Variants in RBFOX1 observed in about 807,000 individuals in gnomAD.
RBFOX1 encodes RNA binding protein fox-1 homolog 1.
In RBFOX1, 8 loss-of-function variants were observed where a neutral mutation model predicts 57.7. The observed-to-expected ratio is 0.14, with a 90% CI of 0.08 to 0.25. RBFOX1 has a LOEUF of 0.25. Ranked by LOEUF, RBFOX1 falls within the 10% of genes least tolerant of loss-of-function variation. RBFOX1 has a pLI of 1.00. For missense variants in RBFOX1, 611 were observed against 548.5 expected, an observed-to-expected ratio of 1.11 and a Z score of -1.14; for synonymous variants, 326 against 222.4, an observed-to-expected ratio of 1.47 and a Z score of -4.15.
At chr16:6,818,990 C>G (rs530139220) in intron 3 of RBFOX1, among the ~76,000 whole-genome samples, 5 of 84,474 alleles carry the variant, frequency 5.9e-5, no homozygotes, top group African/African-American at 1.3e-4. Context: ...GTCTGAGAAT[C>G]AAACTTGACA....
chr16:7,160,329 G>A (rs1323181957), intron 4 of RBFOX1, among the ~76,000 whole-genome samples: 1 of 152,028 alleles, frequency 6.6e-6, no homozygotes, highest in Non-Finnish European at 1.5e-5. Context: ...ACTGCCTAGT[G>A]TGTAAAATGG....
chr16:5,406,548 C>T (rs1267998912), intron 1 of RBFOX1, among the ~76,000 whole-genome samples: 2 of 151,992 alleles, frequency 1.3e-5, no homozygotes, highest in Non-Finnish European at 2.9e-5. Context: ...ATAAATCTCT[C>T]CCTCTCTCTG....
intron 3 of RBFOX1, among the ~76,000 whole-genome samples, chr16:7,000,121 A>G (rs2092655212): frequency 6.6e-6 from 1 of 151,758 alleles, no homozygotes; most frequent in Non-Finnish European, 1.5e-5. Context: ...ACATCATATT[A>G]TTTTTAAAGT....
At chr16:5,347,115 C>G (rs1312864727) in intron 1 of RBFOX1, among the ~76,000 whole-genome samples, 4 of 152,152 alleles carry the variant, frequency 2.6e-5, no homozygotes, top group African/African-American at 9.7e-5. Context: ...CCCAATGTTG[C>G]TCATCCTCCT....
At chr16:6,903,426 A>T (rs1161413055) in intron 3 of RBFOX1, among the ~76,000 whole-genome samples, 2 of 152,154 alleles carry the variant, frequency 1.3e-5, no homozygotes, top group Admixed American at 1.3e-4. Context: ...TTGACGAAAG[A>T]TCCGTGAAGT....
At chr16:7,387,230 C>G (rs904689196) in intron 4 of RBFOX1, among the ~76,000 whole-genome samples, 1 of 152,082 alleles carries the variant, frequency 6.6e-6, no homozygotes, top group Admixed American at 6.5e-5. Flanking sequence ...GTGCAAAGTA[C>G]CTACCATGCA....
intron 2 of RBFOX1, among the ~76,000 whole-genome samples, chr16:6,545,892 C>G (rs182737797): frequency 1.3e-5 from 2 of 152,270 alleles, no homozygotes; most frequent in African/African-American, 4.8e-5. Flanking sequence ...GATGCCAGGC[C>G]TAAAGCTCTT....
chr16:6,747,044 C>G (rs79824491), intron 3 of RBFOX1, among the ~76,000 whole-genome samples: 2,438 of 152,262 alleles, frequency 0.016, 64 homozygotes, highest in African/African-American at 0.056. Context: ...GAAGTCCTAG[C>G]AGACCTCTGC....
At chr16:7,297,982 C>T (rs909396514) in intron 4 of RBFOX1, among the ~76,000 whole-genome samples, 2 of 152,160 alleles carry the variant, frequency 1.3e-5, no homozygotes, top group Non-Finnish European at 2.9e-5. Flanking sequence ...TATGCATCCA[C>T]ACACATGTTT....
Position 7,053,745 on chromosome 16 carries a change from G to A in RBFOX1, c.27+1647G>A, listed in dbSNP as rs371972704. On this transcript the variant is annotated intron_variant, in intron 4 of 15. Transcript: ENST00000550418. ...TCTCTGTTACATAAATGCAGGGAGTGGCTTGATATTAACATAATGGTTCAT... is the reference window on the plus strand; with the variant it reads ...TCTCTGTTACATAAATGCAGGGAGTAGCTTGATATTAACATAATGGTTCAT... Among the ~76,000 whole-genome samples the A allele has an allele frequency of 1.6e-4, 25 of 152,260 alleles. No homozygotes were observed. The East Asian group carries it at 1.9e-3, about 12-fold the overall frequency.
chr16:6,521,925 AG>A (rs1292732706), intron 2 of RBFOX1, among the ~76,000 whole-genome samples: 2 of 152,160 alleles, frequency 1.3e-5, no homozygotes, highest in Non-Finnish European at 2.9e-5. Context: ...AGCTAAGGGA[AG>A]GGGAATACTT....
intron 4 of RBFOX1, among the ~76,000 whole-genome samples, chr16:5,917,338 A>C (rs918887194): frequency 6.6e-6 from 1 of 152,250 alleles, no homozygotes; most frequent in Admixed American, 6.5e-5. Context: ...ACCACCGGAC[A>C]TGCTGCTAAG....
At chr16:7,566,675 A>G (rs1220092001) in intron 5 of RBFOX1, among the ~76,000 whole-genome samples, 1 of 152,128 alleles carries the variant, frequency 6.6e-6, no homozygotes, top group Non-Finnish European at 1.5e-5. Flanking sequence ...CCTGTATCCC[A>G]GACCATTTAG....
intron 2 of RBFOX1, among the ~76,000 whole-genome samples, chr16:6,320,422 C>T (rs2081625765): frequency 6.6e-6 from 1 of 151,804 alleles, no homozygotes; most frequent in Admixed American, 6.6e-5. Flanking sequence ...TGTGCCAAAA[C>T]CTCAAAAATC....
chr16:6,694,899 C>G (rs2060789879), intron 3 of RBFOX1, among the ~76,000 whole-genome samples: 1 of 151,692 alleles, frequency 6.6e-6, no homozygotes, highest in Admixed American at 6.6e-5. Context: ...AGACAGCATG[C>G]GTGGTAAACA....
intron 2 of RBFOX1, among the ~76,000 whole-genome samples, chr16:6,494,570 C>G (rs2095713383): frequency 6.6e-6 from 1 of 152,222 alleles, no homozygotes; most frequent in South Asian, 2.1e-4. Flanking sequence ...TGTACCACAG[C>G]TTAACCATTC....
intron 4 of RBFOX1, among the ~76,000 whole-genome samples, chr16:7,412,186 T>G (rs909752163): frequency 1.3e-5 from 2 of 151,944 alleles, no homozygotes; most frequent in African/African-American, 4.8e-5. Flanking sequence ...GTAATCCCAG[T>G]ACTTTGGAGG....
At chr16:6,669,173 A>T (rs942738834) in intron 3 of RBFOX1, among the ~76,000 whole-genome samples, 1 of 152,202 alleles carries the variant, frequency 6.6e-6, no homozygotes, top group Non-Finnish European at 1.5e-5. Context: ...TATGCCATCC[A>T]TCTCAGCAAG....
chr16:7,014,369 C>A (rs528631934), intron 3 of RBFOX1, among the ~76,000 whole-genome samples: 67 of 151,776 alleles, frequency 4.4e-4, no homozygotes, highest in African/African-American at 1.6e-3. Context: ...TGCATCACCA[C>A]GCCTGGCTTT....
Sources: allele counts gnomAD v4.1 joint callset (sites outside exome capture counted in the v4.1 genomes callset), GRCh38; gene constraint gnomAD v4.1.1; transcripts MANE v1.5; gene names NCBI Gene and HGNC (gene_info 2026-07-23, HGNC 2026-07-21).